VEZT: variants seen among roughly 807,000 people sequenced by gnomAD.
The protein encoded by VEZT is vezatin, adherens junctions transmembrane protein, also known as vezatin.
A neutral mutation model predicts 79.9 loss-of-function variants in VEZT; 39 were observed. The ratio of observed to expected loss-of-function variants is 0.49; its 90% confidence interval spans 0.38 to 0.64. The LOEUF (loss-of-function observed/expected upper bound fraction) is 0.64. Ranked by LOEUF, VEZT falls within the 30% of genes least tolerant of loss-of-function variation. The pLI is 0.00. For missense variants in VEZT, 837 were observed against 893.1 expected (o/e 0.94, Z 0.80); for synonymous variants, 325 against 327.6 (o/e 0.99, Z 0.09).
chr12:95,265,239 T>C (rs1236592712), intron 4 of VEZT, among the ~76,000 whole-genome samples: 2 of 152,060 alleles, frequency 1.3e-5, no homozygotes, highest in Admixed American at 1.3e-4. Context: ...AGACTTGCAA[T>C]TGATATGAAT....
intron 1 of VEZT, 34 bp downstream of exon 1, chr12:95,217,920 T>C: frequency 6.8e-7 from 1 of 1,477,112 alleles, no homozygotes; most frequent in Non-Finnish European, 9.0e-7. Flanking sequence ...GTGGATTGCC[T>C]TTGTTTGAGA....
chr12:95,236,484 G>C (rs1489837400), intron 1 of VEZT, among the ~76,000 whole-genome samples: 3 of 152,160 alleles, frequency 2.0e-5, no homozygotes, highest in African/African-American at 7.2e-5. Flanking sequence ...TAGTTTTTAA[G>C]ACTAGAGTAC....
intron 8 of VEZT, among the ~76,000 whole-genome samples, chr12:95,285,414 A>G (rs2070476384): frequency 6.6e-6 from 1 of 152,160 alleles, no homozygotes; most frequent in African/African-American, 2.4e-5. Flanking sequence ...ACTGCACTCT[A>G]GCCTGGGTGA....
At chr12:95,269,980 A>G in intron 5 of VEZT, 71 bp from the exon 6 acceptor site, 1 of 1,530,740 alleles carries the variant, frequency 6.5e-7, no homozygotes, top group Non-Finnish European at 8.8e-7. Context: ...AGAATTGTGG[A>G]TTTAGGAAAC....
At chr12:95,234,190 C>T (rs1196009778) in intron 1 of VEZT, among the ~76,000 whole-genome samples, 1 of 151,262 alleles carries the variant, frequency 6.6e-6, no homozygotes, top group Non-Finnish European at 1.5e-5. Flanking sequence ...TTACCCATTT[C>T]TACAATTTAA....
chr12:95,230,423 CT>C (rs35895570), intron 1 of VEZT, among the ~76,000 whole-genome samples: 53,213 of 138,356 alleles, frequency 0.38, 9,527 homozygotes, highest in African/African-American at 0.47. Context: ...CTTTTTCTTT[CT>C]TTTTTTTTTT....
chr12:95,268,311 C>T (rs1001067760), intron 5 of VEZT, among the ~76,000 whole-genome samples: 85 of 152,048 alleles, frequency 5.6e-4, no homozygotes, highest in African/African-American at 2.0e-3. Flanking sequence ...CTGGCTAACA[C>T]GGTGAAACCC....
Position 95,296,019 on chromosome 12 carries a change from A to C in VEZT, c.1624-32A>C, listed in dbSNP as rs758011998. 3.4e-6 allele frequency: 5 copies of C among 1,459,920 alleles called. No homozygotes were observed. The South Asian group carries it at 6.7e-5, about 19-fold the overall frequency. The allele number at this position is 1,459,920 out of a possible 1,614,324, so 90.4% of individuals were successfully genotyped here. A position where few individuals can be genotyped will look rare whatever the true frequency, so the allele number is the denominator to read the frequency against. ...GCTTACTAGAGAATTGTTTGCTTCA[A>C]GTAAAGTGCTTTTTCTTCTATTCAT... On this transcript the variant is annotated intron_variant, in intron 10 of 11. Coordinates refer to ENST00000436874, the MANE Select transcript of VEZT (RefSeq NM_017599.4).
intron 1 of VEZT, among the ~76,000 whole-genome samples, chr12:95,251,671 C>G (rs926264096): frequency 6.6e-6 from 1 of 151,768 alleles, no homozygotes; most frequent in African/African-American, 2.4e-5. Flanking sequence ...TTCCTAAATT[C>G]ATTTTTTCTT....
intron 1 of VEZT, chr12:95,231,321 A>C (rs952202412): frequency 5.9e-5 from 9 of 152,210 alleles, no homozygotes; most frequent in African/African-American, 2.2e-4. Flanking sequence ...ACAGCACTGA[A>C]GAAATAATGT....
At position 95,294,273 on chromosome 12, in the gene VEZT, C is replaced by T. The variant is rs778553733; in HGVS notation, c.1524C>T (p.Gly508=). ...CCCATCTATTCCCGTTTTTTAAAGGCAAGCCTGAAATAGCATGTGAAAACC... is the reference window on the plus strand; with the variant it reads ...CCCATCTATTCCCGTTTTTTAAAGGTAAGCCTGAAATAGCATGTGAAAACC... ...KLLRRNTDKK[G]KPEIACENPH... Residue 508 remains glycine, a splice_region_variant and synonymous_variant, in exon 10 of 12, where the codon GGC becomes GGT. Transcript: ENST00000436874. The T allele has an allele frequency of 6.3e-7, 1 of 1,580,432 alleles. No individual in the cohort carries two copies. The highest frequency in any genetic ancestry group is 1.2e-5 in the South Asian group (1 of 85,812).
At chr12:95,287,897 A>T (rs754972412) in intron 9 of VEZT, 40 bp downstream of exon 9, 1 of 1,516,918 alleles carries the variant, frequency 6.6e-7, no homozygotes. Context: ...CTTATCAGAC[A>T]TGCTTATTCC....
intron 1 of VEZT, among the ~76,000 whole-genome samples, chr12:95,236,260 A>C (rs2137099128): frequency 6.6e-6 from 1 of 152,258 alleles, no homozygotes; most frequent in East Asian, 1.9e-4. Flanking sequence ...GTCTCCACCC[A>C]AAAAATACGA....
intron 11 of VEZT, 200 bp downstream of exon 11, chr12:95,296,458 A>G (rs1044473961): frequency 2.6e-6 from 1 of 390,210 alleles, no homozygotes. Flanking sequence ...ATATGAAGTC[A>G]TACTTTTTTA....
chr12:95,236,196 G>A (rs563394586), intron 1 of VEZT, among the ~76,000 whole-genome samples: 6 of 152,306 alleles, frequency 3.9e-5, no homozygotes, highest in South Asian at 2.1e-4. Flanking sequence ...CGAGGCTGGC[G>A]GATCACTCGC....
At chr12:95,226,107 A>AG (rs1359667233) in intron 1 of VEZT, among the ~76,000 whole-genome samples, 1 of 151,922 alleles carries the variant, frequency 6.6e-6, no homozygotes, top group East Asian at 1.9e-4. Flanking sequence ...TTAAAAAAAA[A>AG]AAAAAAAAAG....
rs2071363568 is a variant in VEZT, at chr12:95,287,748, A to G, written c.1413A>G (p.Leu471=). The G allele has an allele frequency of 6.2e-7, 1 of 1,604,686 alleles. No homozygotes were observed. The highest frequency in any genetic ancestry group is 8.5e-7 in the Non-Finnish European group (1 of 1,175,074). The change falls in exon 9 of 12, where the codon CTA becomes CTG. Residue 471 remains leucine, a synonymous_variant. Transcript: ENST00000436874. Reference sequence around the variant, plus strand: ...TAGTGTCAGAGGCTTATCCCATCCTAGAACAGAAATTAAAGTTGATTCAGC... The same window carrying G: ...TAGTGTCAGAGGCTTATCCCATCCTGGAACAGAAATTAAAGTTGATTCAGC... ...QELVSEAYPI[L]EQKLKLIQPH...
rs1278417060 is a variant in VEZT, at chr12:95,282,391, C to T, written c.1075C>T (p.Pro359Ser). 3 of 1,613,890 alleles carry T rather than the reference C, an allele frequency of 1.9e-6. No individual in the cohort carries two copies. The highest frequency in any genetic ancestry group is 2.5e-6 in the Non-Finnish European group (3 of 1,179,858). Reference protein sequence around the residue: ...LALLLSTANSPPGPLLTPALL... With the variant: ...LALLLSTANSSPGPLLTPALL... ...CCTATTACTTTCTACAGCCAATTCA[C>T]CTCCTGGGCCCTTACTTACTCCAGC... The change falls in exon 8 of 12, where the codon CCT becomes TCT. Residue 359 changes from proline to serine, a missense_variant. Transcript: ENST00000436874.
intron 1 of VEZT, among the ~76,000 whole-genome samples, chr12:95,235,743 G>T (rs1439528843): frequency 6.6e-6 from 1 of 151,926 alleles, no homozygotes; most frequent in African/African-American, 2.4e-5. Context: ...CCCGGACGGG[G>T]TGGTTGCCGG....
Sources: gnomAD v4.1 joint callset for allele counts (sites outside exome capture counted in the v4.1 genomes callset) on GRCh38, gnomAD v4.1.1 for gene constraint, MANE v1.5 for transcripts, NCBI Gene and HGNC (gene_info 2026-07-23, HGNC 2026-07-21) for gene names.